Variants in EFCAB10 observed in about 807,000 individuals in gnomAD.
The protein encoded by EFCAB10 is EF-hand calcium-binding domain-containing protein 10.
Under a neutral mutation model 7.7 loss-of-function variants are expected in EFCAB10, and 7 were observed. That is an observed-to-expected ratio of 0.91 (90% CI 0.52 to 1.72). EFCAB10 has a LOEUF of 1.72. EFCAB10 is among the 40% of genes most tolerant of loss of function. EFCAB10 has a pLI of 0.00. For missense variants in EFCAB10, 112 were observed against 61.5 expected (o/e 1.82, Z -2.74); for synonymous variants, 52 against 21.0 (o/e 2.47, Z -4.03).
intron 1 of EFCAB10, among the ~76,000 whole-genome samples, chr7:105,577,573 G>GTTTA (rs1792111492): frequency 6.6e-6 from 1 of 152,152 alleles, no homozygotes; most frequent in South Asian, 2.1e-4. Context: ...GGAGGCCTCT[G>GTTTA]TGTGTATTAT....
intron 1 of EFCAB10, among the ~76,000 whole-genome samples, chr7:105,570,210 TC>T: frequency 1.4e-3 from 8 of 5,880 alleles, no homozygotes; most frequent in African/African-American, 3.8e-3. Flanking sequence ...CAAGACTCTC[TC>T]AAAAAAAAAA....
At chr7:105,567,422 G>T in intron 4 of EFCAB10, 45 bp downstream of exon 4, 1 of 782,422 alleles carries the variant, frequency 1.3e-6, no homozygotes, top group Non-Finnish European at 2.2e-6. Flanking sequence ...AAACTTTATA[G>T]AATTACTTAT....
chr7:105,574,817 C>G (rs1388589677), intron 1 of EFCAB10, among the ~76,000 whole-genome samples: 1 of 151,324 alleles, frequency 6.6e-6, no homozygotes, highest in Non-Finnish European at 1.5e-5. Flanking sequence ...CGGATCAGGT[C>G]AGGCGCAGTG....
chr7:105,581,157 A>T (rs536845115), intron 1 of EFCAB10, among the ~76,000 whole-genome samples: 1 of 152,104 alleles, frequency 6.6e-6, no homozygotes, highest in South Asian at 2.1e-4. Flanking sequence ...CGCCACCAGG[A>T]GGTGGAGGTT....
At chr7:105,576,650 T>C (rs2115566967) in intron 1 of EFCAB10, among the ~76,000 whole-genome samples, 1 of 152,248 alleles carries the variant, frequency 6.6e-6, no homozygotes, top group South Asian at 2.1e-4. Flanking sequence ...TTCACTGTGT[T>C]AGCCAGGATG....
In EFCAB10 at chr7:105,565,264, G is replaced by T. The variant is rs1362750387; in HGVS notation, c.*183C>A. 6.4e-7 allele frequency: 1 copy of T among 1,557,244 alleles called. No individual in the cohort carries two copies. On this transcript the variant is annotated 3_prime_UTR_variant, in exon 5 of 5. Coordinates refer to ENST00000480514, the MANE Select transcript of EFCAB10 (RefSeq NM_001355526.2). ...CTGATGAAAATTTTTTGGTAAAAAT[G>T]TGTTTTTTCCAGATGGTTGTCCTTG... is the stretch of plus-strand genomic sequence containing the variant.
At chr7:105,568,713 G>A (rs1275178582) in intron 3 of EFCAB10, among the ~76,000 whole-genome samples, 1 of 152,068 alleles carries the variant, frequency 6.6e-6, no homozygotes, top group African/African-American at 2.4e-5. Context: ...ACTTTGAGAG[G>A]CCGAGGCAGT....
chr7:105,565,407 A>G lies in EFCAB10; in HGVS notation c.*40T>C. On this transcript the variant is annotated 3_prime_UTR_variant, in exon 5 of 5. Transcript: ENST00000480514. The stretch of plus-strand genomic sequence containing the variant: ...GCAGCTTTGTTTCTCCTTATTTAAA[A>G]TTTTCTGGCAAATGCTTGTAGAGAA... 6.2e-7 allele frequency: 1 copy of G among 1,614,162 alleles called. No homozygotes were observed.
chr7:105,575,994 G>A (rs1457480305), intron 1 of EFCAB10, among the ~76,000 whole-genome samples: 3 of 152,044 alleles, frequency 2.0e-5, no homozygotes, highest in Non-Finnish European at 4.4e-5. Flanking sequence ...CTGAGATCGC[G>A]CCATTGCACT....
At chr7:105,572,401 T>G (rs1791973292) in intron 1 of EFCAB10, 1 of 152,262 alleles carries the variant, frequency 6.6e-6, no homozygotes, top group Admixed American at 6.5e-5. Flanking sequence ...TATTTCATTG[T>G]GTATATATCA....
chr7:105,573,404 G>A (rs1791996730), intron 1 of EFCAB10: 1 of 152,168 alleles, frequency 6.6e-6, no homozygotes, highest in South Asian at 2.1e-4. Context: ...TAATGCTAAT[G>A]GAACTTGGTG....
intron 1 of EFCAB10, chr7:105,571,336 C>G (rs1322719929): frequency 3.3e-5 from 5 of 152,222 alleles, no homozygotes; most frequent in Admixed American, 3.3e-4. Flanking sequence ...TGCACCAGAT[C>G]AGCTGCAGAC....
chr7:105,579,559 A>T (rs770419372), intron 1 of EFCAB10, among the ~76,000 whole-genome samples: 12 of 152,236 alleles, frequency 7.9e-5, no homozygotes, highest in Non-Finnish European at 1.8e-4. Flanking sequence ...ATACTTGCCT[A>T]ACAATATTAA....
intron 1 of EFCAB10, among the ~76,000 whole-genome samples, chr7:105,574,934 TAAAAA>T (rs1209254689): frequency 4.8e-5 from 5 of 103,564 alleles, no homozygotes; most frequent in African/African-American, 1.3e-4. Context: ...TATCCCTACT[TAAAAA>T]AAAAAAAAAA....
At chr7:105,567,179 T>G in intron 4 of EFCAB10, 2 of 1,608,522 alleles carry the variant, frequency 1.2e-6, no homozygotes, top group Non-Finnish European at 1.7e-6. Flanking sequence ...TGCTGAAAGA[T>G]GTACTGCAGT....
chr7:105,581,258 G>A (rs1446865307), intron 1 of EFCAB10, 100 bp downstream of exon 1: 2 of 656,228 alleles, frequency 3.0e-6, no homozygotes, highest in Non-Finnish European at 5.6e-6. Flanking sequence ...GGCTCACGTG[G>A]CTGGGAGGCA....
At chr7:105,568,959 A>G (rs1791864837) in intron 3 of EFCAB10, among the ~76,000 whole-genome samples, 3 of 151,440 alleles carry the variant, frequency 2.0e-5, no homozygotes, top group South Asian at 4.2e-4. Context: ...CAGGGAAAAA[A>G]AAAAAAAAAA....
chr7:105,570,502 G>T (rs1257435174), intron 1 of EFCAB10, among the ~76,000 whole-genome samples: 1 of 151,638 alleles, frequency 6.6e-6, no homozygotes, highest in Admixed American at 6.6e-5. Context: ...AGTAGTGATA[G>T]AGCAGTTTGG....
Position 105,565,176 on chromosome 7 carries a change from A to G in EFCAB10, c.*271T>C. 2.0e-6 allele frequency: 2 copies of G among 975,736 alleles called. No homozygotes were observed. The highest frequency in any genetic ancestry group is 2.9e-6 in the Non-Finnish European group (2 of 684,010). 60.4% of individuals were successfully genotyped at this position (975,736 alleles called of 1,614,324 possible). ...TAGGCTGTATATTTTTTCTTATCCA[A>G]AATGCCCTAGGACAGAACACTTCCT... is the stretch of plus-strand genomic sequence containing the variant. On this transcript the variant is annotated 3_prime_UTR_variant, in exon 5 of 5. Coordinates refer to ENST00000480514, the MANE Select transcript of EFCAB10 (RefSeq NM_001355526.2).
Sources: allele counts gnomAD v4.1 joint callset (sites outside exome capture counted in the v4.1 genomes callset), GRCh38; gene constraint gnomAD v4.1.1; transcripts MANE v1.5; gene names NCBI Gene and HGNC (gene_info 2026-07-23, HGNC 2026-07-21).